CEP76: variants seen among roughly 807,000 people sequenced by gnomAD.
CEP76 encodes centrosomal protein 76, also known as centrosomal protein of 76 kDa.
Under a neutral mutation model 83.3 loss-of-function variants are expected in CEP76, and 55 were observed. That is an observed-to-expected ratio of 0.66 (90% CI 0.53 to 0.83). The LOEUF is 0.83. Among genes scored for constraint, CEP76 ranks in the 40% least tolerant of loss-of-function variants. CEP76 has a pLI of 0.00. For synonymous variants in CEP76, 270 were observed against 274.5 expected (o/e 0.98, Z 0.16); for missense variants, 694 against 799.5 (o/e 0.87, Z 1.59).
chr18:12,677,996 AGTT>A (rs1032983814), intron 10 of CEP76, 110 bp downstream of exon 10: 9 of 725,966 alleles, frequency 1.2e-5, no homozygotes, highest in Non-Finnish European at 1.8e-5. Flanking sequence ...TAGGGACTGT[AGTT>A]GTTTTGTTCA....
Position 12,683,186 on chromosome 18 carries a change from C to CAAAAAAAAAAAAAAAAAAAAAAAAA in CEP76, c.1123-2359_1123-2358insTTTTTTTTTTTTTTTTTTTTTTTTT, listed in dbSNP as rs765652085. Among the ~76,000 whole-genome samples, 12 of 63,674 alleles carry CAAAAAAAAAAAAAAAAAAAAAAAAA rather than the reference C, an allele frequency of 1.9e-4. 1 individual carries two copies. Among genetic ancestry groups the CAAAAAAAAAAAAAAAAAAAAAAAAA allele is most frequent in the South Asian group, 5.4e-4 (1 of 1,856 alleles). 41.8% of individuals were successfully genotyped at this position (63,674 alleles called of 152,430 possible). On this transcript the variant is annotated intron_variant, in intron 8 of 11. Transcript: ENST00000262127. ...GAAACCCCATCTCTACTAAAAATAC[C>CAAAAAAAAAAAAAAAAAAAAAAAAA]AAAAAAAAAAAAAAAAAAGCCAGGC...
intron 2 of CEP76, among the ~76,000 whole-genome samples, chr18:12,700,702 C>A (rs1568035171): frequency 6.6e-6 from 1 of 152,022 alleles, no homozygotes; most frequent in East Asian, 1.9e-4. Flanking sequence ...AATTTACAGA[C>A]CTAGAAAATA....
chr18:12,672,791 ATTAG>A lies in CEP76; in HGVS notation c.*570_*573del, dbSNP rs2038980971. The A allele has an allele frequency of 2.0e-6, 2 of 980,628 alleles. No individual in the cohort carries two copies. The highest frequency in any genetic ancestry group is 3.5e-5 in the African/African-American group (2 of 57,264). 60.7% of individuals were successfully genotyped at this position (980,628 alleles called of 1,614,324 possible). A position where few individuals can be genotyped will look rare whatever the true frequency, so the allele number is the denominator to read the frequency against. The stretch of plus-strand genomic sequence containing the variant: ...TTATTAATATTTATGCTTTTCTGGT[ATTAG>A]TTTTTTCCTACTCTTGCTTCAAGGT... On this transcript the variant is annotated 3_prime_UTR_variant, in exon 12 of 12. Coordinates refer to ENST00000262127, the MANE Select transcript of CEP76 (RefSeq NM_024899.4).
At chr18:12,682,029 C>G (rs1269288714) in intron 8 of CEP76, among the ~76,000 whole-genome samples, 2 of 151,696 alleles carry the variant, frequency 1.3e-5, no homozygotes, top group African/African-American at 4.8e-5. Context: ...AAGAAAATAT[C>G]TGATACTGTG....
Position 12,672,662 on chromosome 18 carries a change from A to AT in CEP76, c.*702dup, listed in dbSNP as rs2038978587. ...TGCAAGATCACAATTTATCAGTATCATAACAAAGAGGTATAATAAAGTTTT... is the reference window on the plus strand; with the variant it reads ...TGCAAGATCACAATTTATCAGTATCATTAACAAAGAGGTATAATAAAGTTTT... On this transcript the variant is annotated 3_prime_UTR_variant, in exon 12 of 12. Coordinates refer to ENST00000262127, the MANE Select transcript of CEP76 (RefSeq NM_024899.4). 14 of 981,778 alleles carry AT rather than the reference A, an allele frequency of 1.4e-5. No homozygotes were observed. Among genetic ancestry groups the AT allele is most frequent in the Non-Finnish European group, 1.6e-5 (13 of 826,552 alleles). The allele number at this position is 981,778 out of a possible 1,614,324, so 60.8% of individuals were successfully genotyped here. A position where few individuals can be genotyped will look rare whatever the true frequency, so the allele number is the denominator to read the frequency against.
chr18:12,691,618 C>T, intron 6 of CEP76, 131 bp from the exon 7 acceptor site: 1 of 587,882 alleles, frequency 1.7e-6, no homozygotes, highest in South Asian at 2.6e-5. Context: ...TCTATAAGAG[C>T]CTCCTGACTT....
At chr18:12,670,194 G>T (rs1282191913), downstream of CEP76, among the ~76,000 whole-genome samples, 2 of 151,844 alleles carry the variant, frequency 1.3e-5, no homozygotes, top group African/African-American at 4.8e-5. Flanking sequence ...GCTGGGCGTG[G>T]TAGCGTGTGC....
chr18:12,701,941 C>T (rs958088801), intron 1 of CEP76, among the ~76,000 whole-genome samples: 1 of 152,038 alleles, frequency 6.6e-6, no homozygotes, highest in Non-Finnish European at 1.5e-5. Flanking sequence ...CCAGCCACAC[C>T]AACATGGTGA....
At chr18:12,689,927 T>C (rs1428836807) in intron 7 of CEP76, among the ~76,000 whole-genome samples, 3 of 152,176 alleles carry the variant, frequency 2.0e-5, no homozygotes, top group Non-Finnish European at 4.4e-5. Context: ...TAACTGGGAT[T>C]ATAGGTGCCT....
downstream of CEP76, among the ~76,000 whole-genome samples, chr18:12,672,267 A>G (rs991375954): frequency 6.6e-6 from 1 of 151,374 alleles, no homozygotes; most frequent in South Asian, 2.1e-4. Context: ...GGTGTGAGCC[A>G]CCGCACCCGG....
chr18:12,676,078 A>C (rs1486961383), intron 10 of CEP76, among the ~76,000 whole-genome samples: 2 of 152,156 alleles, frequency 1.3e-5, no homozygotes, highest in African/African-American at 4.8e-5. Context: ...TATTTTGATT[A>C]TCATAATGGA....
chr18:12,669,739 G>A (rs1053269384), downstream of CEP76, among the ~76,000 whole-genome samples: 4 of 152,136 alleles, frequency 2.6e-5, no homozygotes, highest in East Asian at 3.9e-4. Flanking sequence ...GGTGGCTCAC[G>A]CCTGTAATCC....
At chr18:12,693,625 A>G (rs1049458624) in intron 6 of CEP76, among the ~76,000 whole-genome samples, 1 of 152,136 alleles carries the variant, frequency 6.6e-6, no homozygotes, top group Admixed American at 6.5e-5. Flanking sequence ...TCTATTAAAA[A>G]TACAAAAATT....
intron 9 of CEP76, chr18:12,679,218 G>A (rs1236851287): frequency 6.6e-6 from 1 of 152,224 alleles, no homozygotes; most frequent in East Asian, 1.9e-4. Context: ...AATGTTCCAT[G>A]AAGAAAGAAG....
intron 1 of CEP76, among the ~76,000 whole-genome samples, chr18:12,702,024 G>C (rs1047190947): frequency 3.3e-5 from 5 of 152,282 alleles, no homozygotes; most frequent in Admixed American, 1.3e-4. Flanking sequence ...CTACTCGGGA[G>C]GCTGAGGCGG....
Position 12,678,187 on chromosome 18 carries a change from A to G in CEP76, c.1545T>C (p.Cys515=). The G allele has an allele frequency of 6.2e-7, 1 of 1,614,200 alleles. No homozygotes were observed. Among genetic ancestry groups the G allele is most frequent in the Non-Finnish European group, 8.5e-7 (1 of 1,180,036 alleles). The change falls in exon 10 of 12, where the codon TGT becomes TGC. Residue 515 remains cysteine (C), a synonymous_variant. Coordinates refer to ENST00000262127, the MANE Select transcript of CEP76 (RefSeq NM_024899.4). ...TTACTGACGCGTCAATTGTGGATGC[A>G]CACAGAGGTGGAAAGGGAGGAAGGG... ...TTSLPPFPPL[C]ASTIDASVTS... is the part of the protein sequence containing the mutation.
At chr18:12,667,791 A>G (rs1280039943), downstream of CEP76, among the ~76,000 whole-genome samples, 1 of 150,508 alleles carries the variant, frequency 6.6e-6, no homozygotes, top group Non-Finnish European at 1.5e-5. Flanking sequence ...AAGAAAAGAA[A>G]ATATAATATT....
intron 2 of CEP76, 44 bp from the exon 3 acceptor site, chr18:12,699,949 T>C: frequency 7.6e-7 from 1 of 1,311,460 alleles, no homozygotes; most frequent in Admixed American, 2.3e-5. Context: ...TAGAAAACAA[T>C]TATAGGTTAA....
downstream of CEP76, chr18:12,671,191 G>A: frequency 6.6e-6 from 1 of 151,926 alleles, no homozygotes; most frequent in East Asian, 1.9e-4. Flanking sequence ...CCATCCTCTG[G>A]CCGCAGCCTC....
Sources: gnomAD v4.1 joint callset for allele counts (sites outside exome capture counted in the v4.1 genomes callset) on GRCh38, gnomAD v4.1.1 for gene constraint, MANE v1.5 for transcripts, NCBI Gene and HGNC (gene_info 2026-07-23, HGNC 2026-07-21) for gene names.